Variants in ROR2 observed in about 807,000 individuals in gnomAD.
ROR2 encodes the protein ROR family WNT receptor 2.
A neutral mutation model predicts 74.9 loss-of-function variants in ROR2; 33 were observed. The observed-to-expected ratio is 0.44, with a 90% CI of 0.33 to 0.59. The LOEUF is 0.59. Ranked by LOEUF, ROR2 falls within the 20% of genes least tolerant of loss-of-function variation. The pLI is 0.02. For missense variants in ROR2, 1,216 were observed against 1,313.8 expected (o/e 0.93, Z 1.15); for synonymous variants, 586 against 558.7 (o/e 1.05, Z -0.69).
chr9:91,725,523 C>T (rs141253673), intron 8 of ROR2, among the ~76,000 whole-genome samples: 4 of 152,284 alleles, frequency 2.6e-5, no homozygotes, highest in African/African-American at 4.8e-5. Flanking sequence ...CGACACATCA[C>T]GTGAGATGTG....
rs190798772 is a variant in ROR2, at chr9:91,743,529, C to T, written c.495-6011G>A. On this transcript the variant is annotated intron_variant, in intron 4 of 8. Transcript: ENST00000375708. ...GAAGTTGCCATGAGCCAAGATCATG[C>T]CATTGCACTACAGCCTGGGTGACAG... 4.8e-3 allele frequency among the ~76,000 whole-genome samples: 737 copies of T among 152,040 alleles called. 6 individuals carry two copies. Among genetic ancestry groups the T allele is most frequent in the African/African-American group, 0.016 (662 of 41,428 alleles).
chr9:91,744,213 C>CTTTTTT (rs1167780367), intron 4 of ROR2, among the ~76,000 whole-genome samples: 1,313 of 89,034 alleles, frequency 0.015, 67 homozygotes, highest in East Asian at 0.03. Flanking sequence ...AATTTGTTAA[C>CTTTTTT]TTTTTTTTTT....
chr9:91,751,051 A>G (rs1345603128), intron 4 of ROR2, among the ~76,000 whole-genome samples: 1 of 152,192 alleles, frequency 6.6e-6, no homozygotes, highest in Non-Finnish European at 1.5e-5. Flanking sequence ...ATAGAGGGCA[A>G]TCTGGCCATT....
chr9:91,941,375 G>A (rs1479800322), intron 1 of ROR2, among the ~76,000 whole-genome samples: 1 of 152,136 alleles, frequency 6.6e-6, no homozygotes, highest in Non-Finnish European at 1.5e-5. Flanking sequence ...TCTACTCTTT[G>A]CCCAGGTTCA....
At chr9:91,876,216 T>C (rs890825958) in intron 1 of ROR2, among the ~76,000 whole-genome samples, 4 of 151,948 alleles carry the variant, frequency 2.6e-5, no homozygotes, top group African/African-American at 9.7e-5. Flanking sequence ...CTACTAAAAA[T>C]GCAAAAATTA....
intron 1 of ROR2, among the ~76,000 whole-genome samples, chr9:91,892,983 C>T (rs1383658555): frequency 1.3e-5 from 2 of 152,160 alleles, no homozygotes; most frequent in East Asian, 3.9e-4. Context: ...TAAACGTCTG[C>T]TCAACAAAAG....
intron 1 of ROR2, among the ~76,000 whole-genome samples, chr9:91,816,361 C>T (rs1363371156): frequency 6.6e-6 from 1 of 152,166 alleles, no homozygotes; most frequent in Non-Finnish European, 1.5e-5. Context: ...AGCTCCAAAT[C>T]TTCACCAACC....
At chr9:91,866,066 A>G (rs903727397) in intron 1 of ROR2, among the ~76,000 whole-genome samples, 3 of 152,168 alleles carry the variant, frequency 2.0e-5, no homozygotes, top group African/African-American at 7.2e-5. Context: ...AAATAGTGAT[A>G]TTCTTCCCTC....
intron 6 of ROR2, among the ~76,000 whole-genome samples, chr9:91,732,009 C>T (rs1253734594): frequency 1.3e-5 from 2 of 152,118 alleles, no homozygotes; most frequent in Non-Finnish European, 2.9e-5. Context: ...GTCATCCCCA[C>T]GGAATATAAG....
At chr9:91,806,171 C>G (rs1006097025) in intron 1 of ROR2, among the ~76,000 whole-genome samples, 4 of 152,196 alleles carry the variant, frequency 2.6e-5, no homozygotes, top group Non-Finnish European at 5.9e-5. Flanking sequence ...ACCTGAGCCA[C>G]TCTAACAGCA....
chr9:91,858,738 C>T (rs1224561444), intron 1 of ROR2, among the ~76,000 whole-genome samples: 1 of 152,196 alleles, frequency 6.6e-6, no homozygotes, highest in Non-Finnish European at 1.5e-5. Context: ...AGCCATCCCT[C>T]AGGGCCTCTG....
chr9:91,864,739 AT>A (rs112304833), intron 1 of ROR2, among the ~76,000 whole-genome samples: 10,835 of 152,280 alleles, frequency 0.071, 446 homozygotes, highest in Middle Eastern at 0.13. Context: ...GGATGTGCTC[AT>A]TTTAGACAAT....
In ROR2 at chr9:91,904,752, C is replaced by T. The variant is rs930091039; in HGVS notation, c.97+45115G>A. Among the ~76,000 whole-genome samples the T allele has an allele frequency of 5.3e-5, 8 of 152,266 alleles. No homozygotes were observed. In the South Asian group the frequency reaches 1.0e-3, roughly 20 times the overall value. On this transcript the variant is annotated intron_variant, in intron 1 of 8. Transcript: ENST00000375708. ...CCACTGCTGGCTTTGGAGGCCTCCTCGACTCTGCCACCCGTGGCCTCAGGA... is the reference window on the plus strand; with the variant it reads ...CCACTGCTGGCTTTGGAGGCCTCCTTGACTCTGCCACCCGTGGCCTCAGGA...
At chr9:91,741,043 T>A (rs960259034) in intron 4 of ROR2, among the ~76,000 whole-genome samples, 1 of 152,060 alleles carries the variant, frequency 6.6e-6, no homozygotes, top group Non-Finnish European at 1.5e-5. Context: ...GGCTCACGCC[T>A]GTAATCCCAG....
chr9:91,934,218 G>T (rs73651600), intron 1 of ROR2, among the ~76,000 whole-genome samples: 6,807 of 152,076 alleles, frequency 0.045, 179 homozygotes, highest in African/African-American at 0.056. Flanking sequence ...TTTAGTTTTG[G>T]TTTTTTCTTG....
At chr9:91,854,322 C>A in intron 1 of ROR2, among the ~76,000 whole-genome samples, 1 of 152,166 alleles carries the variant, frequency 6.6e-6, no homozygotes, top group East Asian at 1.9e-4. Flanking sequence ...GAGTCAGCAG[C>A]CTGCAGGAGG....
At chr9:91,867,680 G>A (rs1002154293) in intron 1 of ROR2, among the ~76,000 whole-genome samples, 2 of 151,642 alleles carry the variant, frequency 1.3e-5, no homozygotes, top group African/African-American at 4.8e-5. Flanking sequence ...GTGTGTGTGT[G>A]TGTGTGTGTG....
chr9:91,768,190 C>G (rs1446506071), intron 2 of ROR2, among the ~76,000 whole-genome samples: 1 of 152,194 alleles, frequency 6.6e-6, no homozygotes, highest in Non-Finnish European at 1.5e-5. Flanking sequence ...TGCCAACAAA[C>G]CTTGATTTCA....
intron 1 of ROR2, among the ~76,000 whole-genome samples, chr9:91,922,443 TTAAA>T (rs1239819178): frequency 6.6e-6 from 1 of 151,678 alleles, no homozygotes; most frequent in Non-Finnish European, 1.5e-5. Flanking sequence ...GTTGTTCTAC[TTAAA>T]TAATTTTTTT....
Sources: gnomAD v4.1 joint callset for allele counts (sites outside exome capture counted in the v4.1 genomes callset) on GRCh38, gnomAD v4.1.1 for gene constraint, MANE v1.5 for transcripts, NCBI Gene and HGNC (gene_info 2026-07-23, HGNC 2026-07-21) for gene names.